The following HS3ST2 variants were observed in gnomAD, a reference collection of about 807,000 sequenced individuals.
HS3ST2 encodes heparan sulfate-glucosamine 3-sulfotransferase 2.
HS3ST2 carries 17 observed loss-of-function variants against 26.3 expected under a neutral mutation model. The ratio of observed to expected loss-of-function variants is 0.65; its 90% CI spans 0.44 to 0.97. The LOEUF (loss-of-function observed/expected upper bound fraction) is 0.97. Among genes scored for constraint, HS3ST2 ranks in the 50% least tolerant of loss-of-function variants. HS3ST2 has a pLI of 0.00. For synonymous variants in HS3ST2, 237 were observed against 219.2 expected (o/e 1.08, Z -0.72); for missense variants, 402 against 501.2 (o/e 0.80, Z 1.89).
chr16:22,837,163 G>T (rs886096139), intron 1 of HS3ST2, among the ~76,000 whole-genome samples: 1 of 149,112 alleles, frequency 6.7e-6, no homozygotes, highest in Non-Finnish European at 1.5e-5. Flanking sequence ...AGCCTCTAAA[G>T]TCAGACTGTC....
intron 1 of HS3ST2, among the ~76,000 whole-genome samples, chr16:22,826,703 T>C (rs1438196398): frequency 6.6e-6 from 1 of 152,162 alleles, no homozygotes; most frequent in Non-Finnish European, 1.5e-5. Flanking sequence ...TAGGAATTGA[T>C]GAGTCTGTTC....
intron 1 of HS3ST2, among the ~76,000 whole-genome samples, chr16:22,877,611 G>T (rs994238504): frequency 5.3e-5 from 8 of 152,316 alleles, no homozygotes; most frequent in African/African-American, 1.9e-4. Flanking sequence ...GTGCAGGTTT[G>T]TATCAGCTTG....
intron 1 of HS3ST2, among the ~76,000 whole-genome samples, chr16:22,846,915 T>A (rs911625636): frequency 6.6e-6 from 1 of 152,198 alleles, no homozygotes; most frequent in African/African-American, 2.4e-5. Flanking sequence ...ATACACAGCG[T>A]GGAGTTCCTC....
chr16:22,901,668 C>A (rs1449343368), intron 1 of HS3ST2, among the ~76,000 whole-genome samples: 2 of 152,190 alleles, frequency 1.3e-5, no homozygotes, highest in East Asian at 3.9e-4. Context: ...TGTATCAGAG[C>A]TGTACATGCA....
chr16:22,871,965 A>T (rs184614562), intron 1 of HS3ST2, among the ~76,000 whole-genome samples: 167 of 152,234 alleles, frequency 1.1e-3, no homozygotes, highest in African/African-American at 3.7e-3. Flanking sequence ...GCGTACATAC[A>T]TTTCTTTTGG....
intron 1 of HS3ST2, among the ~76,000 whole-genome samples, chr16:22,874,736 C>T (rs1379556351): frequency 2.6e-5 from 4 of 152,248 alleles, no homozygotes; most frequent in African/African-American, 9.6e-5. Flanking sequence ...GAAGCCAAAC[C>T]ACTTGACCCA....
At chr16:22,863,821 A>G (rs536604015) in intron 1 of HS3ST2, among the ~76,000 whole-genome samples, 3 of 152,270 alleles carry the variant, frequency 2.0e-5, no homozygotes, top group South Asian at 4.2e-4. Context: ...AAGAAGCTCA[A>G]TGGCAATTAC....
At chr16:22,829,976 G>A (rs1464977162) in intron 1 of HS3ST2, among the ~76,000 whole-genome samples, 1 of 152,034 alleles carries the variant, frequency 6.6e-6, no homozygotes, top group Non-Finnish European at 1.5e-5. Flanking sequence ...TTAATAATTG[G>A]GCCAATAAGG....
intron 1 of HS3ST2, among the ~76,000 whole-genome samples, chr16:22,898,086 T>C (rs973507260): frequency 1.3e-5 from 2 of 152,232 alleles, no homozygotes; most frequent in African/African-American, 4.8e-5. Context: ...TTCCTTCCCA[T>C]CTTATTCATT....
At chr16:22,842,340 G>A (rs564262021) in intron 1 of HS3ST2, among the ~76,000 whole-genome samples, 57 of 152,170 alleles carry the variant, frequency 3.7e-4, no homozygotes, top group African/African-American at 1.2e-3. Context: ...TGGGATTGCA[G>A]GTGTGGGCCA....
At chr16:22,868,848 T>A (rs1901793476) in intron 1 of HS3ST2, among the ~76,000 whole-genome samples, 1 of 152,024 alleles carries the variant, frequency 6.6e-6, no homozygotes, top group Non-Finnish European at 1.5e-5. Context: ...AACCTATAAT[T>A]TCATTTTTAA....
At chr16:22,884,882 C>T (rs1324218565) in intron 1 of HS3ST2, among the ~76,000 whole-genome samples, 1 of 150,620 alleles carries the variant, frequency 6.6e-6, no homozygotes, top group African/African-American at 2.4e-5. Flanking sequence ...ACTCTGTCAC[C>T]CAGGCTGGAG....
At chr16:22,856,349 C>T (rs1901594132) in intron 1 of HS3ST2, among the ~76,000 whole-genome samples, 1 of 152,184 alleles carries the variant, frequency 6.6e-6, no homozygotes, top group Admixed American at 6.5e-5. Context: ...TGACAAGTGA[C>T]AGTCCTGTCA....
intron 1 of HS3ST2, among the ~76,000 whole-genome samples, chr16:22,855,526 G>A (rs1004270220): frequency 7.2e-5 from 11 of 152,058 alleles, no homozygotes; most frequent in African/African-American, 2.4e-4. Context: ...CAACTGCCAC[G>A]CCCCTGCTGC....
At chr16:22,891,195 A>T (rs1229216677) in intron 1 of HS3ST2, among the ~76,000 whole-genome samples, 1 of 152,212 alleles carries the variant, frequency 6.6e-6, no homozygotes, top group Non-Finnish European at 1.5e-5. Flanking sequence ...CCTGGTTCCA[A>T]CATGGATAAT....
rs573234984 is a variant in HS3ST2, at chr16:22,853,561, A to G, written c.485+38466A>G. The stretch of plus-strand genomic sequence containing the variant: ...TCTTCCTCCCCTCACTCCCATGATA[A>G]TGATAAGTGCTAATAGGAGGATGAT... On this transcript the variant is annotated intron_variant, in intron 1 of 1. Transcript: ENST00000261374. Among the ~76,000 whole-genome samples, 182 of 152,252 alleles carry G rather than the reference A, an allele frequency of 1.2e-3. 1 individual carries two copies. Among genetic ancestry groups the G allele is most frequent in the African/African-American group, 4.3e-3 (179 of 41,552 alleles).
rs1901018087 is a variant in HS3ST2, at chr16:22,822,832, G to A, written c.485+7737G>A. 3.3e-5 allele frequency among the ~76,000 whole-genome samples: 5 copies of A among 150,250 alleles called. No individual in the cohort carries two copies. In the South Asian group the frequency reaches 1.1e-3, roughly 32 times the overall value. On this transcript the variant is annotated intron_variant, in intron 1 of 1. Transcript: ENST00000261374. ...ATAGCACCACTGCATTCCAGCCTGG[G>A]CAACAGAGCAAGACTCCGTCTCAGA...
At chr16:22,898,838 C>A (rs1238294852) in intron 1 of HS3ST2, among the ~76,000 whole-genome samples, 1 of 152,158 alleles carries the variant, frequency 6.6e-6, no homozygotes, top group African/African-American at 2.4e-5. Flanking sequence ...ATGAGAAAAC[C>A]AACTCCTGCT....
Position 22,814,502 on chromosome 16 carries a change from G to C in HS3ST2, c.-109G>C. 2.3e-6 allele frequency: 3 copies of C among 1,289,136 alleles called. No individual in the cohort carries two copies. Among genetic ancestry groups the C allele is most frequent in the Non-Finnish European group, 3.0e-6 (3 of 991,548 alleles). The allele number at this position is 1,289,136 out of a possible 1,614,324, so 79.9% of individuals were successfully genotyped here. A position where few individuals can be genotyped will look rare whatever the true frequency, so the allele number is the denominator to read the frequency against. ...ACGGCGCCCCCAACGCCCGACCCGC[G>C]TGGCCGTGGCAGCGCCACGCGAGCC... On this transcript the variant is annotated 5_prime_UTR_variant, in exon 1 of 2. Coordinates refer to ENST00000261374, the MANE Select transcript of HS3ST2 (RefSeq NM_006043.2).
Sources: gnomAD v4.1 joint callset for allele counts (sites outside exome capture counted in the v4.1 genomes callset) on GRCh38, gnomAD v4.1.1 for gene constraint, MANE v1.5 for transcripts, NCBI Gene and HGNC (gene_info 2026-07-23, HGNC 2026-07-21) for gene names.